Variants in C1QTNF3 observed in about 807,000 individuals in gnomAD.
The protein encoded by C1QTNF3 is complement C1q tumor necrosis factor-related protein 3.
In C1QTNF3, 26 loss-of-function variants were observed where a neutral mutation model predicts 32.6. The observed-to-expected ratio is 0.80, with a 90% CI of 0.58 to 1.11. C1QTNF3 has a LOEUF of 1.11. Among genes scored for constraint, C1QTNF3 ranks in the 50% least tolerant of loss-of-function variants. C1QTNF3 has a pLI of 0.00. For synonymous variants in C1QTNF3, 155 were observed against 146.0 expected (o/e 1.06, Z -0.44); for missense variants, 362 against 398.2 (o/e 0.91, Z 0.77).
At chr5:34,170,738 C>G in the C1QTNF3 span, among the ~76,000 whole-genome samples, 3 of 152,136 alleles carry the variant, frequency 2.0e-5, no homozygotes, top group African/African-American at 7.2e-5. Context: ...TAACATCTCT[C>G]TCCTTAAATT....
At chr5:34,122,169 T>C in the C1QTNF3 span, among the ~76,000 whole-genome samples, 1 of 152,108 alleles carries the variant, frequency 6.6e-6, no homozygotes. Flanking sequence ...GATTGGGTAG[T>C]GGGTAGAGGC....
At chr5:34,239,883 G>C in the C1QTNF3 span, among the ~76,000 whole-genome samples, 2 of 151,012 alleles carry the variant, frequency 1.3e-5, no homozygotes, top group Non-Finnish European at 1.5e-5. Context: ...CCACATGCTT[G>C]GTCATAAAGC....
the C1QTNF3 span, among the ~76,000 whole-genome samples, chr5:34,161,092 A>T: frequency 6.6e-6 from 1 of 152,182 alleles, no homozygotes; most frequent in Non-Finnish European, 1.5e-5. Flanking sequence ...TGGCAGCTGG[A>T]GATCGCTCAC....
the C1QTNF3 span, among the ~76,000 whole-genome samples, chr5:34,082,151 A>G: frequency 6.6e-6 from 1 of 151,662 alleles, no homozygotes; most frequent in African/African-American, 2.4e-5. Context: ...ATGCAAGGAA[A>G]TAGCAGATAT....
chr5:34,138,548 G>A, the C1QTNF3 span, among the ~76,000 whole-genome samples: 4 of 151,848 alleles, frequency 2.6e-5, no homozygotes, highest in African/African-American at 4.8e-5. Context: ...TCAAAGTGAT[G>A]CTTTATATAT....
chr5:34,119,762 C>T, the C1QTNF3 span, among the ~76,000 whole-genome samples: 1 of 152,194 alleles, frequency 6.6e-6, no homozygotes, highest in African/African-American at 2.4e-5. Flanking sequence ...GTCTTTCTCA[C>T]ATTGCGCATC....
the C1QTNF3 span, among the ~76,000 whole-genome samples, chr5:34,238,221 A>G: frequency 6.6e-6 from 1 of 152,104 alleles, no homozygotes; most frequent in Non-Finnish European, 1.5e-5. Flanking sequence ...TGGCAATTCA[A>G]AAAGCTAGAG....
chr5:34,050,519 G>T, the C1QTNF3 span, among the ~76,000 whole-genome samples: 8 of 152,134 alleles, frequency 5.3e-5, no homozygotes, highest in East Asian at 1.4e-3. Context: ...CTTCCATGTT[G>T]ACTTCTGATT....
At chr5:34,027,775 A>C (rs1754504744) in intron 4 of C1QTNF3, among the ~76,000 whole-genome samples, 1 of 151,472 alleles carries the variant, frequency 6.6e-6, no homozygotes, top group Admixed American at 6.6e-5. Flanking sequence ...AAACAACCCA[A>C]ATGTCCAGAA....
chr5:34,178,278 T>G, the C1QTNF3 span, among the ~76,000 whole-genome samples: 1 of 152,112 alleles, frequency 6.6e-6, no homozygotes, highest in Admixed American at 6.5e-5. Flanking sequence ...AAACTCCTCC[T>G]CAAAGGAGAA....
chr5:34,084,842 T>A, the C1QTNF3 span, among the ~76,000 whole-genome samples: 12 of 144,690 alleles, frequency 8.3e-5, no homozygotes, highest in Non-Finnish European at 1.6e-4. Context: ...TTTAGTTTAA[T>A]TAGATCCCAT....
chr5:34,116,032 C>T, the C1QTNF3 span, among the ~76,000 whole-genome samples: 6 of 152,038 alleles, frequency 3.9e-5, no homozygotes, highest in Admixed American at 3.9e-4. Flanking sequence ...ACTCTGAAAA[C>T]TGCTTTAGTT....
the C1QTNF3 span, among the ~76,000 whole-genome samples, chr5:34,102,739 G>C: frequency 2.0e-5 from 3 of 152,098 alleles, no homozygotes; most frequent in African/African-American, 7.2e-5. Context: ...GCAAACTATC[G>C]CAAGGACAAA....
At position 34,033,327 on chromosome 5, in the gene C1QTNF3, G is replaced by A; in HGVS notation, c.547C>T (p.Pro183Ser). The A allele has an allele frequency of 6.2e-7, 1 of 1,613,688 alleles. No individual in the cohort carries two copies. Residue 183 changes from proline to serine, a missense_variant, in exon 3 of 6, where the codon CCG (proline) becomes TCG (serine). Coordinates refer to ENST00000382065, the MANE Select transcript of C1QTNF3 (RefSeq NM_181435.6). ...ACCTGAAGTTCTGGTGGAATCCCCG[G>A]GTAGCCCTTCTCTCCTTTGGGGCCA... ...QHGPKGEKGY[P>S]GIPPELQIAF... is the part of the protein sequence containing the mutation.
chr5:34,116,624 T>C, the C1QTNF3 span, among the ~76,000 whole-genome samples: 1 of 150,340 alleles, frequency 6.7e-6, no homozygotes, highest in Non-Finnish European at 1.5e-5. Flanking sequence ...AGATGGAGTC[T>C]TGCTTTGTCA....
the C1QTNF3 span, among the ~76,000 whole-genome samples, chr5:34,236,152 T>C: frequency 1.3e-5 from 2 of 152,302 alleles, no homozygotes; most frequent in Admixed American, 1.3e-4. Flanking sequence ...TTGACTTTAA[T>C]CCCATGCCCT....
chr5:34,029,999 A>AT (rs545417141), intron 3 of C1QTNF3, among the ~76,000 whole-genome samples: 4 of 152,130 alleles, frequency 2.6e-5, no homozygotes, highest in East Asian at 3.9e-4. Flanking sequence ...AACTTTTCTA[A>AT]TTTTTTTTAA....
intron 1 of C1QTNF3, among the ~76,000 whole-genome samples, chr5:34,036,063 C>G (rs925277759): frequency 1.3e-5 from 2 of 152,212 alleles, no homozygotes; most frequent in African/African-American, 2.4e-5. Flanking sequence ...GCTACTGTAA[C>G]AGCAAAGGAA....
At chr5:34,214,996 TA>T in the C1QTNF3 span, among the ~76,000 whole-genome samples, 1 of 152,198 alleles carries the variant, frequency 6.6e-6, no homozygotes, top group Non-Finnish European at 1.5e-5. Context: ...AAATGGCTAT[TA>T]AAATTATGTT....
Sources: gnomAD v4.1 joint callset for allele counts (sites outside exome capture counted in the v4.1 genomes callset) on GRCh38, gnomAD v4.1.1 for gene constraint, MANE v1.5 for transcripts, NCBI Gene and HGNC (gene_info 2026-07-23, HGNC 2026-07-21) for gene names.